The following MCTP1 variants were observed in gnomAD, a reference collection of about 807,000 sequenced individuals.
MCTP1 encodes the protein multiple C2 and transmembrane domain-containing protein 1.
A neutral mutation model predicts 120.6 loss-of-function variants in MCTP1; 69 were observed. The observed-to-expected ratio is 0.57, with a 90% CI of 0.47 to 0.70. The LOEUF (loss-of-function observed/expected upper bound fraction) is 0.70. MCTP1 is among the 30% of genes least tolerant of loss of function. The probability of loss-of-function intolerance (pLI) is 0.00; values close to 1 mark genes in which losing one functional copy is unlikely to be tolerated. For missense variants in MCTP1, 1,203 were observed against 1,248.8 expected (o/e 0.96, Z 0.55); for synonymous variants, 529 against 493.1 (o/e 1.07, Z -0.96).
chr5:95,266,621 C>A (rs769067908), intron 1 of MCTP1, among the ~76,000 whole-genome samples: 3 of 152,056 alleles, frequency 2.0e-5, no homozygotes, highest in Non-Finnish European at 4.4e-5. Context: ...TTCTTGATAC[C>A]CTTTAGACTT....
chr5:94,715,183 G>GCTCT (rs775490561), intron 19 of MCTP1, among the ~76,000 whole-genome samples: 2 of 151,814 alleles, frequency 1.3e-5, no homozygotes, highest in Non-Finnish European at 2.9e-5. Context: ...ATAAGAGAGA[G>GCTCT]GGGAGGTCCC....
chr5:94,922,067 G>A lies in MCTP1; in HGVS notation c.1272+1895C>T, dbSNP rs567049363. 2.8e-4 allele frequency among the ~76,000 whole-genome samples: 42 copies of A among 152,302 alleles called. No individual in the cohort carries two copies. The South Asian group carries it at 7.5e-3, about 27-fold the overall frequency. Reference sequence around the variant, plus strand: ...CCTTACTTTCCTCATTGGTAAAACAGATGACCCCTAAAGGTTATGCCTATA... The same window carrying A: ...CCTTACTTTCCTCATTGGTAAAACAAATGACCCCTAAAGGTTATGCCTATA... On this transcript the variant is annotated intron_variant, in intron 7 of 22. Coordinates refer to ENST00000515393, the MANE Select transcript of MCTP1 (RefSeq NM_024717.7).
At chr5:95,066,646 G>A (rs886491722) in intron 1 of MCTP1, among the ~76,000 whole-genome samples, 2 of 152,070 alleles carry the variant, frequency 1.3e-5, no homozygotes, top group African/African-American at 4.8e-5. Flanking sequence ...CATACATAAT[G>A]GAATACTTTT....
intron 2 of MCTP1, among the ~76,000 whole-genome samples, chr5:94,956,473 C>A (rs1680562325): frequency 1.3e-5 from 2 of 152,054 alleles, no homozygotes; most frequent in Admixed American, 1.3e-4. Flanking sequence ...CTTCTCAGAG[C>A]TAAAGGAGCA....
At chr5:94,907,360 A>G (rs537209403) in intron 10 of MCTP1, among the ~76,000 whole-genome samples, 4 of 152,232 alleles carry the variant, frequency 2.6e-5, no homozygotes, top group African/African-American at 9.6e-5. Flanking sequence ...CATTCCTTTC[A>G]TTGTGTAAAC....
At chr5:95,113,505 A>G (rs573736690) in intron 1 of MCTP1, among the ~76,000 whole-genome samples, 2 of 152,146 alleles carry the variant, frequency 1.3e-5, no homozygotes, top group Non-Finnish European at 2.9e-5. Context: ...GAGACAACGT[A>G]TATTGAACTC....
Position 94,968,327 on chromosome 5 carries a change from A to G in MCTP1, c.839-14966T>C, listed in dbSNP as rs769006086. Among the ~76,000 whole-genome samples, 4 of 152,294 alleles carry G rather than the reference A, an allele frequency of 2.6e-5. No individual in the cohort carries two copies. In the East Asian group the frequency reaches 7.7e-4, roughly 29 times the overall value. On this transcript the variant is annotated intron_variant, in intron 2 of 22. Transcript: ENST00000515393. ...TGAACGTTCACTATGACTTTCCAAGAAGGAGGCTTGACAGGCATCACTTAC... is the reference window on the plus strand; with the variant it reads ...TGAACGTTCACTATGACTTTCCAAGGAGGAGGCTTGACAGGCATCACTTAC...
At position 94,774,207 on chromosome 5, in the gene MCTP1, CAAAAAAAAAAAAAAAAAAA is replaced by C. The variant is rs70978130; in HGVS notation, c.2610+4884_2610+4902del. On this transcript the variant is annotated intron_variant, in intron 19 of 22. Transcript: ENST00000515393. ...TGGGCGACAGAGCAAGACTCCGTCTCAAAAAAAAAAAAAAAAAAAAAAAAAAAAAAAAAAAAAAAAAAGA... is the reference window on the plus strand; with the variant it reads ...TGGGCGACAGAGCAAGACTCCGTCTCAAAAAAAAAAAAAAAAAAAAAAAGA... Among the ~76,000 whole-genome samples, 13 of 4,182 alleles carry C rather than the reference CAAAAAAAAAAAAAAAAAAA, an allele frequency of 3.1e-3. 3 individuals are homozygous for C. The highest frequency in any genetic ancestry group is 0.025 in the East Asian group (1 of 40). 2.7% of individuals were successfully genotyped at this position (4,182 alleles called of 152,430 possible).
At chr5:95,037,211 T>C (rs981557335) in intron 1 of MCTP1, among the ~76,000 whole-genome samples, 1 of 152,230 alleles carries the variant, frequency 6.6e-6, no homozygotes, top group African/African-American at 2.4e-5. Flanking sequence ...CAATTACACC[T>C]GGACCCCCAG....
chr5:94,745,571 T>C (rs1365951775), intron 19 of MCTP1, among the ~76,000 whole-genome samples: 2 of 152,210 alleles, frequency 1.3e-5, no homozygotes, highest in African/African-American at 2.4e-5. Context: ...CTGTTCTCCA[T>C]TTGAGTATCT....
chr5:94,923,102 AC>A (rs1812122238), intron 7 of MCTP1, among the ~76,000 whole-genome samples: 1 of 151,930 alleles, frequency 6.6e-6, no homozygotes, highest in East Asian at 1.9e-4. Flanking sequence ...TTAATCTGGT[AC>A]CTGCCTTTCT....
At chr5:95,279,753 CT>C (rs1345202893) in intron 1 of MCTP1, among the ~76,000 whole-genome samples, 1 of 152,326 alleles carries the variant, frequency 6.6e-6, no homozygotes, top group East Asian at 1.9e-4. Flanking sequence ...ATGTCATCCT[CT>C]TTACTCCCTT....
chr5:95,205,939 A>G (rs1362609945), intron 1 of MCTP1, among the ~76,000 whole-genome samples: 1 of 151,086 alleles, frequency 6.6e-6, no homozygotes, highest in Non-Finnish European at 1.5e-5. Flanking sequence ...GCTGGTGGGA[A>G]TATAAAATAG....
At chr5:95,253,804 G>A (rs1234191687) in intron 1 of MCTP1, among the ~76,000 whole-genome samples, 1 of 152,046 alleles carries the variant, frequency 6.6e-6, no homozygotes, top group African/African-American at 2.4e-5. Context: ...GAGGAAAGGA[G>A]ATTGCAAGTT....
chr5:94,981,211 G>A (rs573229543), intron 2 of MCTP1, among the ~76,000 whole-genome samples: 3 of 152,186 alleles, frequency 2.0e-5, no homozygotes, highest in South Asian at 2.1e-4. Context: ...GGAAAAGTCC[G>A]AGGTTTCCAC....
At chr5:94,941,266 T>C (rs1033931841) in intron 4 of MCTP1, among the ~76,000 whole-genome samples, 10 of 151,864 alleles carry the variant, frequency 6.6e-5, no homozygotes, top group East Asian at 1.9e-4. Flanking sequence ...TTCATGATAA[T>C]AGACTCCATG....
At chr5:95,041,907 T>C (rs1448332153) in intron 1 of MCTP1, among the ~76,000 whole-genome samples, 1 of 152,176 alleles carries the variant, frequency 6.6e-6, no homozygotes, top group Non-Finnish European at 1.5e-5. Flanking sequence ...TTGAAGCTTG[T>C]TTCCAACTCC....
intron 19 of MCTP1, among the ~76,000 whole-genome samples, chr5:94,775,177 G>A (rs1458421499): frequency 6.6e-6 from 1 of 152,130 alleles, no homozygotes; most frequent in African/African-American, 2.4e-5. Context: ...AAGCATAAAT[G>A]GCTGAATATT....
At chr5:94,765,710 A>AG (rs1166112746) in intron 19 of MCTP1, among the ~76,000 whole-genome samples, 2 of 136,568 alleles carry the variant, frequency 1.5e-5, no homozygotes, top group Admixed American at 7.1e-5. Context: ...TCAAAAAAGA[A>AG]AAAAAAAAAA....
Sources: gnomAD v4.1 joint callset for allele counts (sites outside exome capture counted in the v4.1 genomes callset) on GRCh38, gnomAD v4.1.1 for gene constraint, MANE v1.5 for transcripts, NCBI Gene and HGNC (gene_info 2026-07-23, HGNC 2026-07-21) for gene names.